USPL1: variants seen among roughly 807,000 people sequenced by gnomAD.
USPL1 encodes SUMO-specific isopeptidase USPL1.
USPL1 carries 27 observed loss-of-function variants against 51.5 expected under a neutral mutation model. The observed-to-expected ratio is 0.52, with a 90% CI of 0.39 to 0.72. USPL1 has a LOEUF of 0.72. Ranked by LOEUF, USPL1 falls within the 30% of genes least tolerant of loss-of-function variation. The pLI is 0.00. For synonymous variants in USPL1, 451 were observed against 459.6 expected, an observed-to-expected ratio of 0.98 and a Z score of 0.24; for missense variants, 1,226 against 1,268.0, an observed-to-expected ratio of 0.97 and a Z score of 0.50.
At chr13:30,621,299 CTTAAA>C (rs1324522909) in intron 2 of USPL1, 60 bp downstream of exon 2, 10 of 1,283,608 alleles carry the variant, frequency 7.8e-6, no homozygotes, top group Non-Finnish European at 1.1e-5. Context: ...ATTTTTGAGA[CTTAAA>C]TTCAATTTTG....
At chr13:30,628,296 G>C (rs1012437908) in intron 3 of USPL1, among the ~76,000 whole-genome samples, 3 of 151,934 alleles carry the variant, frequency 2.0e-5, no homozygotes, top group Non-Finnish European at 4.4e-5. Context: ...TGGCATAATG[G>C]CCTCAAGATT....
intron 7 of USPL1, among the ~76,000 whole-genome samples, chr13:30,650,069 G>C (rs1041875792): frequency 6.6e-6 from 1 of 152,128 alleles, no homozygotes; most frequent in African/African-American, 2.4e-5. Context: ...TGTTGGCCAG[G>C]TTGGTCTCGA....
intron 8 of USPL1, among the ~76,000 whole-genome samples, chr13:30,653,993 A>T (rs1951126534): frequency 6.6e-6 from 1 of 152,232 alleles, no homozygotes; most frequent in African/African-American, 2.4e-5. Flanking sequence ...GTTTGAATGG[A>T]TGACACAATA....
At chr13:30,644,358 T>C (rs1347552403) in intron 6 of USPL1, among the ~76,000 whole-genome samples, 2 of 151,850 alleles carry the variant, frequency 1.3e-5, no homozygotes, top group African/African-American at 4.8e-5. Context: ...TAAGGAGTAG[T>C]CAAGGAGAGT....
rs191358506 is a variant in USPL1 at position 30,646,742 on chromosome 13, G to A, written c.1113-190G>A. On this transcript the variant is annotated intron_variant, in intron 6 of 8. Transcript: ENST00000255304. Reference sequence around the variant, plus strand: ...CTTCATCTCATAGTTGAAAGATATGGGAAATTAACATGGAGCATCTTCACA... The same window carrying A: ...CTTCATCTCATAGTTGAAAGATATGAGAAATTAACATGGAGCATCTTCACA... Among the ~76,000 whole-genome samples the A allele has an allele frequency of 2.0e-3, 304 of 152,256 alleles. 1 individual carries two copies. Among genetic ancestry groups the A allele is most frequent in the African/African-American group, 6.9e-3 (288 of 41,544 alleles).
intron 5 of USPL1, among the ~76,000 whole-genome samples, chr13:30,641,952 G>T (rs1377508124): frequency 6.6e-6 from 1 of 151,430 alleles, no homozygotes; most frequent in Non-Finnish European, 1.5e-5. Flanking sequence ...TGTCACCCAG[G>T]CTGGTATGCA....
intron 8 of USPL1, among the ~76,000 whole-genome samples, chr13:30,654,695 GGTTTT>G (rs1324827151): frequency 1.3e-5 from 2 of 151,970 alleles, no homozygotes; most frequent in East Asian, 1.9e-4. Context: ...CTTAGTGAAC[GGTTTT>G]GTTTTGTGTG....
intron 6 of USPL1, among the ~76,000 whole-genome samples, chr13:30,643,607 C>T (rs1056830136): frequency 7.6e-6 from 1 of 132,380 alleles, no homozygotes; most frequent in Admixed American, 7.4e-5. Context: ...TCCACCCCCC[C>T]CCGCCCTTTT....
chr13:30,625,694 C>T (rs969063462), intron 3 of USPL1, among the ~76,000 whole-genome samples: 12 of 151,936 alleles, frequency 7.9e-5, no homozygotes, highest in African/African-American at 2.9e-4. Context: ...CCACCCACCT[C>T]GGCCTCCCAA....
chr13:30,659,123 C>T lies in USPL1; in HGVS notation c.3046C>T (p.Gln1016Ter). 1 of 1,614,102 alleles carries T rather than the reference C, an allele frequency of 6.2e-7. No homozygotes were observed. The highest frequency in any genetic ancestry group is 1.1e-5 in the South Asian group (1 of 91,074). ...PVPSEFNDVS[Q>*]NTHLRQDHNY... ...ACCAAGTGAATTCAATGATGTTTCC[C>T]AGAACACACATCTGAGACAGGACCA... Residue 1016 changes from glutamine (Q) to a stop codon, truncating the protein, a stop_gained, in exon 9 of 9, where the codon CAG becomes TAG. Coordinates refer to ENST00000255304, the MANE Select transcript of USPL1 (RefSeq NM_005800.5). LOFTEE classifies it low-confidence loss of function (END_TRUNC).
intron 8 of USPL1, among the ~76,000 whole-genome samples, chr13:30,655,859 T>G (rs1433807964): frequency 3.3e-5 from 5 of 152,234 alleles, no homozygotes; most frequent in Admixed American, 6.5e-5. Context: ...CATCGTGATT[T>G]ATTAATTTAT....
intron 6 of USPL1, among the ~76,000 whole-genome samples, chr13:30,644,737 C>A (rs763483466): frequency 6.6e-6 from 1 of 152,112 alleles, no homozygotes; most frequent in Non-Finnish European, 1.5e-5. Flanking sequence ...GAAAAATCCA[C>A]GTCCCCTCTC....
chr13:30,659,277 C>T lies in USPL1; in HGVS notation c.3200C>T (p.Ser1067Phe). 2 of 1,614,064 alleles carry T rather than the reference C, an allele frequency of 1.2e-6. No homozygotes were observed. Among genetic ancestry groups the T allele is most frequent in the Middle Eastern group, 3.3e-4 (2 of 6,062 alleles). ...MKTDIFDEFF[S>F]SSALNALAND... ...ACTGATATTTTCGATGAGTTTTTTT[C>T]CTCCTCAGCATTAAATGCTTTAGCA... The change falls in exon 9 of 9, where the codon TCC (serine) becomes TTC (phenylalanine). Residue 1067 changes from serine to phenylalanine, a missense_variant. Transcript: ENST00000255304.
intron 3 of USPL1, among the ~76,000 whole-genome samples, chr13:30,627,209 A>G (rs528665370): frequency 1.3e-5 from 2 of 152,296 alleles, no homozygotes; most frequent in African/African-American, 4.8e-5. Flanking sequence ...AAGACAGCTT[A>G]AAAGCTTTAT....
intron 4 of USPL1, among the ~76,000 whole-genome samples, chr13:30,633,156 A>T (rs371563984): frequency 1.8e-4 from 28 of 152,330 alleles, no homozygotes; most frequent in African/African-American, 6.0e-4. Context: ...CTGAAAGTAG[A>T]TGAGTATAGT....
At chr13:30,647,982 A>G (rs991840220) in intron 7 of USPL1, among the ~76,000 whole-genome samples, 7 of 152,190 alleles carry the variant, frequency 4.6e-5, no homozygotes, top group African/African-American at 7.2e-5. Flanking sequence ...TGATGTGCCT[A>G]TTCTACCGTA....
chr13:30,633,506 C>T (rs1198028167), intron 4 of USPL1, among the ~76,000 whole-genome samples: 1 of 151,970 alleles, frequency 6.6e-6, no homozygotes, highest in Non-Finnish European at 1.5e-5. Context: ...TGCAGTGGCT[C>T]ACATCTGTAA....
intron 3 of USPL1, among the ~76,000 whole-genome samples, chr13:30,622,874 T>C (rs375631672): frequency 6.0e-5 from 9 of 150,792 alleles, no homozygotes; most frequent in African/African-American, 2.2e-4. Flanking sequence ...TCTACAAATA[T>C]AAATTTCTTT....
intron 4 of USPL1, 124 bp downstream of exon 4, chr13:30,631,598 T>G: frequency 1.0e-6 from 1 of 959,336 alleles, no homozygotes; most frequent in Non-Finnish European, 1.5e-6. Flanking sequence ...CTTCCCTGGC[T>G]CAGGTGGGCC....
Sources: allele counts gnomAD v4.1 joint callset (sites outside exome capture counted in the v4.1 genomes callset), GRCh38; gene constraint gnomAD v4.1.1; transcripts MANE v1.5; gene names NCBI Gene and HGNC (gene_info 2026-07-23, HGNC 2026-07-21).